Variants in API5 observed in about 807,000 individuals in gnomAD.
API5 encodes FIF.
API5 carries 6 observed loss-of-function variants against 71.9 expected under a neutral mutation model. The observed-to-expected ratio is 0.08, with a 90% confidence interval of 0.05 to 0.16. The LOEUF is 0.16. Ranked by LOEUF, API5 falls within the 10% of genes least tolerant of loss-of-function variation. API5 has a pLI of 1.00. For synonymous variants in API5, 189 were observed against 221.3 expected (o/e 0.85, Z 1.30); for missense variants, 332 against 612.8 (o/e 0.54, Z 4.84).
chr11:43,336,835 C>T (rs1223135457), intron 13 of API5, among the ~76,000 whole-genome samples: 1 of 151,766 alleles, frequency 6.6e-6, no homozygotes, highest in Non-Finnish European at 1.5e-5. Flanking sequence ...GGTGAAACCC[C>T]GTCTCTACTA....
chr11:43,313,879 A>G (rs376961400), intron 1 of API5, among the ~76,000 whole-genome samples: 4 of 152,268 alleles, frequency 2.6e-5, no homozygotes, highest in African/African-American at 9.6e-5. Context: ...AGTTGAGATC[A>G]GGAGTTCGAG....
At chr11:43,335,245 A>G (rs1855392848) in intron 11 of API5, 33 bp from the exon 12 acceptor site, 2 of 1,498,704 alleles carry the variant, frequency 1.3e-6, no homozygotes, top group African/African-American at 1.4e-5. Flanking sequence ...CAACAAATAC[A>G]TTAGAATTCT....
At position 43,312,333 on chromosome 11, in the gene API5, C is replaced by T. The variant is rs529083523; in HGVS notation, c.69+137C>T. 2.4e-4 allele frequency: 219 copies of T among 916,146 alleles called. 1 individual carries two copies. Among genetic ancestry groups the T allele is most frequent in the Middle Eastern group, 1.2e-3 (4 of 3,292 alleles). 56.8% of individuals were successfully genotyped at this position (916,146 alleles called of 1,614,324 possible). A position where few individuals can be genotyped will look rare whatever the true frequency, so the allele number is the denominator to read the frequency against. On this transcript the variant is annotated intron_variant, in intron 1 of 13. Coordinates refer to ENST00000531273, the MANE Select transcript of API5 (RefSeq NM_001142930.2). ...GCCTCCTAGCCTCCTCAGGCCGTCT[C>T]GTCGGGGTGGGCCTCTCTGGGAGTG...
intron 7 of API5, among the ~76,000 whole-genome samples, chr11:43,327,137 A>G (rs1855102433): frequency 6.6e-6 from 1 of 152,252 alleles, no homozygotes. Flanking sequence ...AATAGTGATT[A>G]TTGAATTGGA....
intron 5 of API5, among the ~76,000 whole-genome samples, 182 bp downstream of exon 5, chr11:43,322,318 A>G (rs904300454): frequency 3.3e-5 from 5 of 152,182 alleles, no homozygotes; most frequent in South Asian, 2.1e-4. Flanking sequence ...GTCGGTGGTA[A>G]TGATGAATCA....
chr11:43,337,581 T>C (rs1855478565), intron 13 of API5, among the ~76,000 whole-genome samples: 1 of 152,182 alleles, frequency 6.6e-6, no homozygotes, highest in African/African-American at 2.4e-5. Flanking sequence ...TCCTTGCCTC[T>C]TATCTGAAAA....
rs1315518974 is a variant in API5 at position 43,322,068 on chromosome 11, C to T, written c.475C>T (p.Leu159Phe). The T allele has an allele frequency of 4.3e-6, 7 of 1,613,566 alleles. No homozygotes were observed. Among genetic ancestry groups the T allele is most frequent in the African/African-American group, 1.3e-5 (1 of 75,026 alleles). ...ERAIKFLSTKLKTLPDEVLTK... is the reference protein window; with the variant it reads ...ERAIKFLSTKFKTLPDEVLTK... Reference sequence around the variant, plus strand: ...AGCAATTAAATTCCTTTCTACAAAACTTAAGACTTTACCAGATGAAGTCTT... The same window carrying T: ...AGCAATTAAATTCCTTTCTACAAAATTTAAGACTTTACCAGATGAAGTCTT... Residue 159 changes from leucine to phenylalanine, a missense_variant, in exon 5 of 14, where the codon CTT (leucine) becomes TTT (phenylalanine). Physicochemically the swap from Leu to Phe is conservative, Grantham distance 22. Transcript: ENST00000531273.
Position 43,328,584 on chromosome 11 carries a change from CA to C in API5, c.946-125del, listed in dbSNP as rs1855149717. ...TGATCCAGTAAGTAAAAAAGAAATC[CA>C]AATGTCTGGTTTTGGTAGTTTTTAA... On this transcript the variant is annotated intron_variant, in intron 8 of 13. Coordinates refer to ENST00000531273, the MANE Select transcript of API5 (RefSeq NM_001142930.2). The C allele has an allele frequency of 2.2e-5, 18 of 812,972 alleles. No homozygotes were observed. The South Asian group carries it at 3.5e-4, about 16-fold the overall frequency. 50.4% of individuals were successfully genotyped at this position (812,972 alleles called of 1,614,324 possible).
In API5 at chr11:43,323,631, T is replaced by C. The variant is rs1249933103; in HGVS notation, c.745T>C (p.Phe249Leu). ...GTGCACTCGGCAGGCAGTACCCCTCTTCTCTGTGAGCTCTTTATTTTTACA... is the reference window on the plus strand; with the variant it reads ...GTGCACTCGGCAGGCAGTACCCCTCCTCTCTGTGAGCTCTTTATTTTTACA... ...LQCTRQAVPL[F>L]SKNVHSTRFV... Residue 249 changes from phenylalanine (F) to leucine (L), a missense_variant, in exon 6 of 14, where the codon TTC becomes CTC. Phe to Leu is a conservative substitution (Grantham distance 22, BLOSUM62 0). Coordinates refer to ENST00000531273, the MANE Select transcript of API5 (RefSeq NM_001142930.2). 6.2e-7 allele frequency: 1 copy of C among 1,613,796 alleles called. No homozygotes were observed. Among genetic ancestry groups the C allele is most frequent in the Non-Finnish European group, 8.5e-7 (1 of 1,179,770 alleles).
chr11:43,338,128 A>G (rs900332726), intron 13 of API5, among the ~76,000 whole-genome samples: 1 of 152,204 alleles, frequency 6.6e-6, no homozygotes, highest in Non-Finnish European at 1.5e-5. Flanking sequence ...TCTTCTTATT[A>G]GAAAGAAGAG....
intron 13 of API5, 82 bp from the exon 14 acceptor site, chr11:43,342,344 CAG>C: frequency 8.6e-7 from 1 of 1,156,614 alleles, no homozygotes; most frequent in East Asian, 2.4e-5. Context: ...CTGCTGTATT[CAG>C]AGTTATGAGC....
In API5 at chr11:43,314,108, A is replaced by G. The variant is rs1011521999; in HGVS notation, c.69+1912A>G. ...CATCTCAAACAAAAAATTAAAAAAA[A>G]AAAAAGATACAAACTATGTGTGGTC... On this transcript the variant is annotated intron_variant, in intron 1 of 13. Coordinates refer to ENST00000531273, the MANE Select transcript of API5 (RefSeq NM_001142930.2). Among the ~76,000 whole-genome samples, 25 of 152,134 alleles carry G rather than the reference A, an allele frequency of 1.6e-4. 1 individual carries two copies. Among genetic ancestry groups the G allele is most frequent in the Non-Finnish European group, 1.0e-4 (7 of 68,020 alleles).
At chr11:43,314,977 A>G (rs879827290) in intron 1 of API5, among the ~76,000 whole-genome samples, 1 of 152,224 alleles carries the variant, frequency 6.6e-6, no homozygotes, top group Non-Finnish European at 1.5e-5. Flanking sequence ...CCTGATTTTC[A>G]TGTCAACTTA....
At chr11:43,329,718 C>T (rs988533727) in intron 9 of API5, among the ~76,000 whole-genome samples, 2 of 152,152 alleles carry the variant, frequency 1.3e-5, no homozygotes, top group Non-Finnish European at 2.9e-5. Context: ...TTAACAAATT[C>T]ACATTTTAAA....
At chr11:43,323,680 A>T (rs1410245081) in intron 6 of API5, 44 bp downstream of exon 6, 1 of 1,546,860 alleles carries the variant, frequency 6.5e-7, no homozygotes, top group African/African-American at 1.4e-5. Context: ...CTATATATAT[A>T]TTTCCATAAA....
intron 13 of API5, among the ~76,000 whole-genome samples, chr11:43,341,839 C>T (rs1444401647): frequency 2.0e-5 from 3 of 152,040 alleles, no homozygotes; most frequent in Non-Finnish European, 4.4e-5. Context: ...AATTATTATT[C>T]GTGAATTTGA....
At chr11:43,335,415 CT>C in intron 12 of API5, 61 bp downstream of exon 12, 1 of 990,860 alleles carries the variant, frequency 1.0e-6, no homozygotes. Flanking sequence ...GTTACATTTA[CT>C]GTTCAAAAGG....
rs929232754 is a variant in API5 at position 43,329,987 on chromosome 11, C to T, written c.1150C>T (p.Leu384=). 16 of 1,613,656 alleles carry T rather than the reference C, an allele frequency of 9.9e-6. No homozygotes were observed. The highest frequency in any genetic ancestry group is 8.0e-5 in the African/African-American group (6 of 74,874). Residue 384 remains leucine, a synonymous_variant, in exon 10 of 14, where the codon CTG becomes TTG. Coordinates refer to ENST00000531273, the MANE Select transcript of API5 (RefSeq NM_001142930.2). The stretch of plus-strand genomic sequence containing the variant: ...TAGGCTGCAGTACTTTGCACGGGGC[C>T]TGCAAGTTTATATCAGACAACTTCG... ...KIRLQYFARG[L]QVYIRQLRLA...
chr11:43,312,318 C>T lies in API5; in HGVS notation c.69+122C>T, dbSNP rs1854502453. On this transcript the variant is annotated intron_variant, in intron 1 of 13. Transcript: ENST00000531273. Reference sequence around the variant, plus strand: ...CTTCATCCTCCCGGGGCCTCCTAGCCTCCTCAGGCCGTCTCGTCGGGGTGG... The same window carrying T: ...CTTCATCCTCCCGGGGCCTCCTAGCTTCCTCAGGCCGTCTCGTCGGGGTGG... 3.6e-5 allele frequency: 38 copies of T among 1,041,964 alleles called. No individual in the cohort carries two copies. In the South Asian group the frequency reaches 4.8e-4, roughly 13 times the overall value. The allele number at this position is 1,041,964 out of a possible 1,614,324, so 64.5% of individuals were successfully genotyped here.
Sources: allele counts gnomAD v4.1 joint callset (sites outside exome capture counted in the v4.1 genomes callset), GRCh38; gene constraint gnomAD v4.1.1; transcripts MANE v1.5; gene names NCBI Gene and HGNC (gene_info 2026-07-23, HGNC 2026-07-21).